Variants in TEP1 observed in about 807,000 individuals in gnomAD.
The protein encoded by TEP1 is telomerase protein component 1.
In TEP1, 241 loss-of-function variants were observed where a neutral mutation model predicts 306.3. That is an observed-to-expected ratio of 0.79 (90% CI 0.71 to 0.88). The LOEUF (loss-of-function observed/expected upper bound fraction) is 0.88. Ranked by LOEUF, TEP1 falls within the 40% of genes least tolerant of loss-of-function variation. The pLI, the probability that TEP1 is intolerant of heterozygous loss-of-function variation, is 0.00. For missense variants in TEP1, 3,051 were observed against 3,276.1 expected (o/e 0.93, Z 1.68); for synonymous variants, 1,289 against 1,305.5 (o/e 0.99, Z 0.27).
rs764015021 is a variant in TEP1, at chr14:20,377,395, G to A, written c.5973C>T (p.Ser1991=). The change falls in exon 41 of 55, where the codon TCC becomes TCT. Residue 1991 remains serine (S), a synonymous_variant. Coordinates refer to ENST00000262715, the MANE Select transcript of TEP1 (RefSeq NM_007110.5). ...ATTCCTTGAGTGCCCAGCCCTGCAA[G>A]GACCCATCTTCTGCACCACTCACCA... ...KVLVSGAEDG[S]LQGWALKECS... 5 of 1,614,018 alleles carry A rather than the reference G, an allele frequency of 3.1e-6. No individual in the cohort carries two copies. The African/African-American group carries it at 6.7e-5, about 22-fold the overall frequency.
rs144833222 is a variant in TEP1, at chr14:20,378,026, T to C, written c.5719A>G (p.Lys1907Glu). ...CQLLTAGEDG[K>E]VQVWSGSLGR... ...CCACCAGCCCTCTGCAAGCTGACCT[T>C]GCCATCCTCTCCAGCCGTCAGTAAC... The change falls in exon 39 of 55, where the codon AAG becomes GAG. Residue 1907 changes from lysine (K) to glutamate (E), a missense_variant and splice_region_variant. Physicochemically the swap from Lys to Glu is moderately conservative, Grantham distance 56. Around this residue, in one of 3 missense-constraint regions of TEP1, gnomAD observed 1,540 missense variants for 1,705.9 expected, o/e 0.90. Transcript: ENST00000262715. 613 of 1,612,896 alleles carry C rather than the reference T, an allele frequency of 3.8e-4. No homozygotes were observed. The highest frequency in any genetic ancestry group is 4.9e-4 in the Non-Finnish European group (576 of 1,179,998).
At position 20,371,650 on chromosome 14, in the gene TEP1, A is replaced by G. The variant is rs1884849439; in HGVS notation, c.7077-18T>C. On this transcript the variant is annotated intron_variant, in intron 49 of 54. Transcript: ENST00000262715. ...GGTGAAGACTAGCTCAAAAAAGTAC[A>G]TGGACAGAGAAAGATCCTATTTTAG... 1.3e-6 allele frequency: 2 copies of G among 1,554,912 alleles called. No homozygotes were observed. The highest frequency in any genetic ancestry group is 1.4e-5 in the African/African-American group (1 of 71,736).
intron 44 of TEP1, 75 bp from the exon 45 acceptor site, chr14:20,373,885 T>C (rs1885017008): frequency 6.4e-7 from 1 of 1,555,308 alleles, no homozygotes; most frequent in Non-Finnish European, 8.7e-7. Context: ...TCCACAGAGG[T>C]GGGTGGAGCA....
intron 9 of TEP1, among the ~76,000 whole-genome samples, chr14:20,400,497 C>CAAAAAA (rs71108598): frequency 2.3e-5 from 2 of 85,480 alleles, no homozygotes; most frequent in African/African-American, 3.5e-5. Flanking sequence ...AAAAGTAGAC[C>CAAAAAA]AAAAAAAAAA....
chr14:20,401,464 C>A lies in TEP1; in HGVS notation c.1384G>T (p.Gly462Cys). 1 of 1,614,050 alleles carries A rather than the reference C, an allele frequency of 6.2e-7. No homozygotes were observed. Residue 462 changes from glycine (G) to cysteine (C), a missense_variant, in exon 8 of 55, where the codon GGT (glycine) becomes TGT (cysteine). Physicochemically the swap from Gly to Cys is radical, Grantham distance 159. Around this residue, in one of 3 missense-constraint regions of TEP1, gnomAD observed 1,507 missense variants for 1,550.5 expected, o/e 0.97. Coordinates refer to ENST00000262715, the MANE Select transcript of TEP1 (RefSeq NM_007110.5). ...CAGGGTGCAGCTTCTCACCTGTAAC[C>A]CAGCAGGGCTTGAACGTGCTGGGCA... ...KPAQHVQALLGYRYPSNLQLF... is the reference protein window; with the variant it reads ...KPAQHVQALLCYRYPSNLQLF...
intron 1 of TEP1, among the ~76,000 whole-genome samples, chr14:20,409,862 A>C (rs1394962605): frequency 1.3e-5 from 2 of 151,756 alleles, no homozygotes; most frequent in South Asian, 2.1e-4. Context: ...CTACTAAAAA[A>C]ATACAAAAAA....
At chr14:20,398,170 G>GAGATCA (rs1489677520) in intron 9 of TEP1, among the ~76,000 whole-genome samples, 1 of 151,916 alleles carries the variant, frequency 6.6e-6, no homozygotes, top group Non-Finnish European at 1.5e-5. Context: ...ATGAGGTCAG[G>GAGATCA]AGATCAAGAC....
chr14:20,381,558 A>T lies in TEP1; in HGVS notation c.4553T>A (p.Ile1518Asn). Residue 1518 changes from isoleucine to asparagine, a missense_variant, in exon 31 of 55, where the codon ATT (isoleucine) becomes AAT (asparagine). This residue lies in a region of TEP1 where 1,540 missense variants were observed against 1,705.9 expected (regional missense o/e 0.90). Transcript: ENST00000262715. This position sits in a 1 kb window ranked among gnomAD's most constrained non-coding sequence, Gnocchi z 4.0. ...PGLEDTAHILIAAQLWKTCDA... is the reference protein window; with the variant it reads ...PGLEDTAHILNAAQLWKTCDA... ...CTGACTTGGGCTGCAATCACCTGCA[A>T]TGAGGATGTGTGCCGTGTCCTCTAG... 1 of 1,613,668 alleles carries T rather than the reference A, an allele frequency of 6.2e-7. No homozygotes were observed. The highest frequency in any genetic ancestry group is 8.5e-7 in the Non-Finnish European group (1 of 1,180,010).
At chr14:20,388,728 T>C (rs1472528829) in intron 17 of TEP1, among the ~76,000 whole-genome samples, 2 of 152,184 alleles carry the variant, frequency 1.3e-5, no homozygotes, top group African/African-American at 2.4e-5. Context: ...TATTGAATTA[T>C]GAGGTAGAAG....
In TEP1 at chr14:20,385,013, T is replaced by A; in HGVS notation, c.3079A>T (p.Ile1027Phe). The A allele has an allele frequency of 6.2e-7, 1 of 1,613,714 alleles. No individual in the cohort carries two copies. The highest frequency in any genetic ancestry group is 1.3e-5 in the African/African-American group (1 of 75,040). Reference sequence around the variant, plus strand: ...AGGAAGCTGGAATCCCGGAAGTAGATGAGAGCTTGGGCAGAGGGCTGCAGA... The same window carrying A: ...AGGAAGCTGGAATCCCGGAAGTAGAAGAGAGCTTGGGCAGAGGGCTGCAGA... ...QRLQPSAQAL[I>F]YFRDSSFLSS... Residue 1027 changes from isoleucine to phenylalanine, a missense_variant, in exon 21 of 55, where the codon ATC (isoleucine) becomes TTC (phenylalanine). By Grantham distance (21) the Ile-to-Phe change is conservative. Coordinates refer to ENST00000262715, the MANE Select transcript of TEP1 (RefSeq NM_007110.5).
In TEP1 at chr14:20,410,020, CAAAAAAAAAAAAAAAAA is replaced by C. The variant is rs570672845; in HGVS notation, c.-24-1574_-24-1558del. On this transcript the variant is annotated intron_variant, in intron 1 of 54. Coordinates refer to ENST00000262715, the MANE Select transcript of TEP1 (RefSeq NM_007110.5). ...TGGGCGACAGAGCAAGACTCTGTCTCAAAAAAAAAAAAAAAAAAAAAAAAAAAAAAAAAAAATGCCTA... is the reference window on the plus strand; with the variant it reads ...TGGGCGACAGAGCAAGACTCTGTCTCAAAAAAAAAAAAAAAAAAATGCCTA... Among the ~76,000 whole-genome samples, 192 of 58,952 alleles carry C rather than the reference CAAAAAAAAAAAAAAAAA, an allele frequency of 3.3e-3. 2 individuals carry two copies. The highest frequency in any genetic ancestry group is 9.5e-3 in the African/African-American group (142 of 14,968). The allele number at this position is 58,952 out of a possible 152,430, so 38.7% of individuals were successfully genotyped here.
rs142983753 is a variant in TEP1 at position 20,389,440 on chromosome 14, C to T, written c.2466-143G>A. On this transcript the variant is annotated intron_variant, in intron 16 of 54. Transcript: ENST00000262715. ...AGGCTAGGGCTAGGGTGGACTCTCA[C>T]AGAGGGGTACAGAGTTAGGCTAAAG... is the stretch of plus-strand genomic sequence containing the variant. 1,566 of 1,409,778 alleles carry T rather than the reference C, an allele frequency of 1.1e-3. 10 individuals are homozygous for T. The African/African-American group carries it at 0.014, about 12-fold the overall frequency. The allele number at this position is 1,409,778 out of a possible 1,614,324, so 87.3% of individuals were successfully genotyped here.
At chr14:20,409,798 A>G (rs1594381487) in intron 1 of TEP1, among the ~76,000 whole-genome samples, 3 of 152,072 alleles carry the variant, frequency 2.0e-5, no homozygotes, top group Admixed American at 2.0e-4. Flanking sequence ...AGGCGGGCGG[A>G]TCACAAGGTC....
rs963313961 is a variant in TEP1, at chr14:20,384,021, C to G, written c.3534+17G>C. 10 of 1,591,722 alleles carry G rather than the reference C, an allele frequency of 6.3e-6. No individual in the cohort carries two copies. Among genetic ancestry groups the G allele is most frequent in the Non-Finnish European group, 8.6e-6 (10 of 1,168,696 alleles). ...CAGCCTTCCCTCCCTCCTGCCCAGG[C>G]CCCTGAGACTCTGTACCAGGAAGGC... On this transcript the variant is annotated intron_variant, in intron 24 of 54. Coordinates refer to ENST00000262715, the MANE Select transcript of TEP1 (RefSeq NM_007110.5).
At chr14:20,379,851 T>C in intron 35 of TEP1, 79 bp downstream of exon 35, 1 of 1,517,426 alleles carries the variant, frequency 6.6e-7, no homozygotes, top group South Asian at 1.3e-5. Flanking sequence ...ATAACAGGTG[T>C]GTTTGGCTCA....
At chr14:20,400,132 C>T (rs61996768) in intron 9 of TEP1, among the ~76,000 whole-genome samples, 41,679 of 134,642 alleles carry the variant, frequency 0.31, 7,350 homozygotes, top group Non-Finnish European at 0.41. Flanking sequence ...AGCAAAACTC[C>T]GTCTCAAAAA....
At chr14:20,395,749 C>T (rs1878146996) in intron 11 of TEP1, 110 bp downstream of exon 11, 1 of 1,491,576 alleles carries the variant, frequency 6.7e-7, no homozygotes, top group African/African-American at 1.4e-5. Flanking sequence ...TGCCCCCCAC[C>T]CCGATACACC....
At chr14:20,407,753 C>G (rs1879293212) in intron 2 of TEP1, 120 bp downstream of exon 2, 1 of 921,962 alleles carries the variant, frequency 1.1e-6, no homozygotes, top group Admixed American at 2.3e-5. Flanking sequence ...AGGAGAGGCT[C>G]TGAGGAGAGA....
At position 20,400,966 on chromosome 14, in the gene TEP1, TGGTCAA is replaced by T. The variant is rs1247933107; in HGVS notation, c.1549+12_1549+17del. The stretch of plus-strand genomic sequence containing the variant: ...TGGGGAAGAGAAGGAGGGAATGTGA[TGGTCAA>T]GGTCACTCTACCAATGAGTTCCTCC... On this transcript the variant is annotated intron_variant, in intron 9 of 54. Coordinates refer to ENST00000262715, the MANE Select transcript of TEP1 (RefSeq NM_007110.5). 4 of 1,610,180 alleles carry T rather than the reference TGGTCAA, an allele frequency of 2.5e-6. No individual in the cohort carries two copies. In the African/African-American group the frequency reaches 5.3e-5, roughly 22 times the overall value.
Sources: allele counts gnomAD v4.1 joint callset (sites outside exome capture counted in the v4.1 genomes callset), GRCh38; gene constraint gnomAD v4.1.1; regional missense constraint gnomAD v4.1.1; non-coding constraint Gnocchi (gnomAD v3.1); transcripts MANE v1.5; gene names NCBI Gene and HGNC (gene_info 2026-07-23, HGNC 2026-07-21).